Variants in IKBKB observed in about 807,000 individuals in gnomAD.
The protein encoded by IKBKB is inhibitor of nuclear factor kappa-B kinase subunit beta.
In IKBKB, 42 loss-of-function variants were observed where a neutral mutation model predicts 113.6. That is an observed-to-expected ratio of 0.37 (90% CI 0.29 to 0.48). The LOEUF (loss-of-function observed/expected upper bound fraction) is 0.48. Among genes scored for constraint, IKBKB ranks in the 20% least tolerant of loss-of-function variants. IKBKB has a pLI of 0.99. For missense variants in IKBKB, 673 were observed against 939.7 expected, an observed-to-expected ratio of 0.72 and a Z score of 3.71; for synonymous variants, 296 against 361.3, an observed-to-expected ratio of 0.82 and a Z score of 2.05.
At chr8:42,277,155 C>T (rs1446862539) in intron 2 of IKBKB, among the ~76,000 whole-genome samples, 2 of 150,590 alleles carry the variant, frequency 1.3e-5, no homozygotes, top group Admixed American at 6.7e-5. Context: ...AGGCGTGAGC[C>T]ACCGCACCCG....
rs76273934 is a variant in IKBKB, at chr8:42,317,021, C to T, written c.1125+117C>T. The T allele has an allele frequency of 4.6e-4, 454 of 988,466 alleles. 3 individuals are homozygous for T. The East Asian group carries it at 0.011, about 24-fold the overall frequency. The allele number at this position is 988,466 out of a possible 1,614,324, so 61.2% of individuals were successfully genotyped here. A position where few individuals can be genotyped will look rare whatever the true frequency, so the allele number is the denominator to read the frequency against. ...CATGTAGTCTGTTAATCACACAGTG[C>T]GGATACCTGGCTGGTTTTTAAGTTG... On this transcript the variant is annotated intron_variant, in intron 11 of 21. Coordinates refer to ENST00000520810, the MANE Select transcript of IKBKB (RefSeq NM_001556.3).
At chr8:42,278,265 T>A (rs996193427) in intron 2 of IKBKB, among the ~76,000 whole-genome samples, 1 of 152,152 alleles carries the variant, frequency 6.6e-6, no homozygotes, top group African/African-American at 2.4e-5. Flanking sequence ...GAAGGGAGGA[T>A]GGGGCACAAG....
intron 2 of IKBKB, among the ~76,000 whole-genome samples, chr8:42,284,079 C>T (rs1030792657): frequency 6.6e-5 from 10 of 152,270 alleles, no homozygotes; most frequent in East Asian, 1.9e-4. Context: ...GTGTCTCAGT[C>T]GGCTCAGTGC....
intron 6 of IKBKB, 138 bp from the exon 7 acceptor site, chr8:42,306,205 G>A (rs1816493308): frequency 3.4e-6 from 2 of 593,302 alleles, no homozygotes; most frequent in Non-Finnish European, 6.2e-6. Context: ...TTGTGTATCT[G>A]GTGGCTCTTA....
At chr8:42,327,298 G>A (rs1403066614) in intron 20 of IKBKB, among the ~76,000 whole-genome samples, 2 of 151,318 alleles carry the variant, frequency 1.3e-5, no homozygotes, top group Non-Finnish European at 2.9e-5. Flanking sequence ...CAAGTCTCCT[G>A]GGCAACATGG....
chr8:42,273,427 T>A (rs1462107598), intron 2 of IKBKB, among the ~76,000 whole-genome samples: 6 of 150,494 alleles, frequency 4.0e-5, no homozygotes, highest in African/African-American at 1.5e-4. Flanking sequence ...AAAATATATA[T>A]ATATATATAT....
At chr8:42,271,841 C>T (rs796803961) in intron 1 of IKBKB, 10 of 555,164 alleles carry the variant, frequency 1.8e-5, no homozygotes, top group African/African-American at 1.7e-4. Flanking sequence ...GCATCGCCTC[C>T]CTCGGTGACT....
At chr8:42,309,120 G>A in intron 8 of IKBKB, 95 bp downstream of exon 8, 1 of 1,360,256 alleles carries the variant, frequency 7.4e-7, no homozygotes, top group Non-Finnish European at 1.0e-6. Flanking sequence ...CACCGGGCCT[G>A]GGAGATCTGT....
intron 5 of IKBKB, chr8:42,298,549 G>A: frequency 3.4e-6 from 3 of 891,400 alleles, no homozygotes; most frequent in Non-Finnish European, 4.0e-6. Context: ...CCATCTGACT[G>A]AAGTGTGGAT....
At chr8:42,297,464 T>C (rs988566673) in intron 5 of IKBKB, among the ~76,000 whole-genome samples, 5 of 152,186 alleles carry the variant, frequency 3.3e-5, no homozygotes, top group Non-Finnish European at 7.3e-5. Flanking sequence ...TGGATTAAAC[T>C]GTTGGCCCCT....
chr8:42,316,934 G>A lies in IKBKB; in HGVS notation c.1125+30G>A, dbSNP rs201546220. 333 of 1,600,554 alleles carry A rather than the reference G, an allele frequency of 2.1e-4. No homozygotes were observed. Among genetic ancestry groups the A allele is most frequent in the Non-Finnish European group, 2.4e-4 (281 of 1,169,536 alleles). On this transcript the variant is annotated intron_variant, in intron 11 of 21. Coordinates refer to ENST00000520810, the MANE Select transcript of IKBKB (RefSeq NM_001556.3). The surrounding 1 kb of genome is among the most constrained non-coding windows in gnomAD (Gnocchi z 4.5). Reference sequence around the variant, plus strand: ...GCCCTGGCTTCGTACACACCATCCTGTTTACCTTGGCTGTGCCTCCTGGGA... The same window carrying A: ...GCCCTGGCTTCGTACACACCATCCTATTTACCTTGGCTGTGCCTCCTGGGA...
At chr8:42,297,110 A>G (rs956462266) in intron 5 of IKBKB, among the ~76,000 whole-genome samples, 5 of 152,098 alleles carry the variant, frequency 3.3e-5, no homozygotes, top group African/African-American at 1.2e-4. Flanking sequence ...CCTTCCTCAG[A>G]CCTGTTCACA....
At chr8:42,272,281 G>T in intron 2 of IKBKB, 76 bp downstream of exon 2, 3 of 1,598,334 alleles carry the variant, frequency 1.9e-6, no homozygotes, top group Non-Finnish European at 2.6e-6. Context: ...CTCTGATCCT[G>T]CTGGGCCAAG....
At chr8:42,288,522 A>G (rs1184958442) in intron 2 of IKBKB, 112 bp from the exon 3 acceptor site, 2 of 700,140 alleles carry the variant, frequency 2.9e-6, no homozygotes, top group Non-Finnish European at 2.4e-6. Context: ...TTGGAGCACC[A>G]GGAGGTGATT....
chr8:42,294,585 T>C (rs932970996), intron 5 of IKBKB, among the ~76,000 whole-genome samples: 6 of 152,242 alleles, frequency 3.9e-5, no homozygotes, highest in Admixed American at 3.3e-4. Context: ...AGTCAAGCAA[T>C]GACATATTTA....
Position 42,319,670 on chromosome 8 carries a change from G to A in IKBKB, c.1578+24G>A, listed in dbSNP as rs202084846. Reference sequence around the variant, plus strand: ...GGGTAGGAGACTCATTTTGGGTTTCGGAACTTACCAAGGGGGTGAGATTTT... The same window carrying A: ...GGGTAGGAGACTCATTTTGGGTTTCAGAACTTACCAAGGGGGTGAGATTTT... On this transcript the variant is annotated intron_variant, in intron 15 of 21. Coordinates refer to ENST00000520810, the MANE Select transcript of IKBKB (RefSeq NM_001556.3). 14 of 1,562,734 alleles carry A rather than the reference G, an allele frequency of 9.0e-6. No homozygotes were observed. The East Asian group carries it at 1.1e-4, about 13-fold the overall frequency.
intron 11 of IKBKB, chr8:42,317,204 T>G (rs1818859059): frequency 2.8e-5 from 10 of 352,384 alleles, no homozygotes; most frequent in Non-Finnish European, 3.9e-5. Flanking sequence ...CTCTTCCAAG[T>G]GTACTAAAAA....
intron 21 of IKBKB, 108 bp from the exon 22 acceptor site, chr8:42,330,806 C>T: frequency 6.4e-7 from 1 of 1,567,602 alleles, no homozygotes; most frequent in Non-Finnish European, 8.7e-7. Context: ...CTGTGCCTGG[C>T]TGGGTTTTAG....
chr8:42,305,736 C>T (rs1268453762), intron 6 of IKBKB, among the ~76,000 whole-genome samples: 3 of 152,224 alleles, frequency 2.0e-5, no homozygotes, highest in Admixed American at 2.0e-4. Flanking sequence ...GTGGCCTCCT[C>T]AGTGGCCACC....
Sources: gnomAD v4.1 joint callset for allele counts (sites outside exome capture counted in the v4.1 genomes callset) on GRCh38, gnomAD v4.1.1 for gene constraint, Gnocchi (gnomAD v3.1) non-coding constraint, MANE v1.5 for transcripts, NCBI Gene and HGNC (gene_info 2026-07-23, HGNC 2026-07-21) for gene names.